Variants in CCDC187 observed in about 807,000 individuals in gnomAD.
CCDC187 encodes coiled-coil domain containing 187, also known as coiled-coil domain-containing protein 187.
Under a neutral mutation model 38.0 loss-of-function variants are expected in CCDC187, and 32 were observed. That is an observed-to-expected ratio of 0.84 (90% CI 0.64 to 1.13). The LOEUF (loss-of-function observed/expected upper bound fraction) is 1.13. CCDC187 is among the 50% of genes most tolerant of loss of function. The pLI is 0.00. For synonymous variants in CCDC187, 333 were observed against 347.9 expected (o/e 0.96, Z 0.48); for missense variants, 707 against 786.8 (o/e 0.90, Z 1.21).
chr9:136,256,498 T>C (rs34785602), intron 23 of CCDC187, among the ~76,000 whole-genome samples, 175 bp from the exon 24 acceptor site: 17,503 of 151,758 alleles, frequency 0.12, 1,367 homozygotes, highest in Admixed American at 0.2. Flanking sequence ...CATTGGGCCC[T>C]GCCACCATGG....
At position 136,250,178 on chromosome 9, in the gene CCDC187, G is replaced by C. The variant is rs573612340; in HGVS notation, c.*3416C>G. The C allele has an allele frequency of 6.3e-6, 1 of 158,082 alleles. No homozygotes were observed. Among genetic ancestry groups the C allele is most frequent in the African/African-American group, 2.4e-5 (1 of 41,450 alleles). The allele number at this position is 158,082 out of a possible 1,614,324, so 9.8% of individuals were successfully genotyped here. A position where few individuals can be genotyped will look rare whatever the true frequency, so the allele number is the denominator to read the frequency against. On this transcript the variant is annotated 3_prime_UTR_variant, in exon 26 of 26. Coordinates refer to ENST00000638797, the MANE Select transcript of CCDC187 (RefSeq NM_001378188.1). ...CCTCTGCTGAAGCGGCTTTTTCTCC[G>C]GTGCTCAGAGTAACCTGACGGCTCC...
chr9:136,304,722 AC>A (rs1276541457), upstream of CCDC187, among the ~76,000 whole-genome samples: 1 of 151,324 alleles, frequency 6.6e-6, no homozygotes, highest in Non-Finnish European at 1.5e-5. Context: ...CCTGGGGACC[AC>A]CCCCTCCCCC....
intron 4 of CCDC187, among the ~76,000 whole-genome samples, chr9:136,295,181 G>A (rs1053982936): frequency 5.9e-5 from 9 of 152,192 alleles, no homozygotes; most frequent in Admixed American, 1.3e-4. Context: ...GGGACCCAGC[G>A]TGGAGGGGAG....
At chr9:136,277,415 GGTGGGTGCTGAGGGGGTGA>G (rs1193176635) in intron 10 of CCDC187, among the ~76,000 whole-genome samples, 2 of 107,474 alleles carry the variant, frequency 1.9e-5, no homozygotes, top group Non-Finnish European at 4.1e-5. Flanking sequence ...TCACAGGGTG[GGTGGGTGCTGAGGGGGTGA>G]GTGGGTGCAG....
intron 4 of CCDC187, among the ~76,000 whole-genome samples, chr9:136,295,578 T>A (rs993625099): frequency 6.6e-6 from 1 of 152,244 alleles, no homozygotes; most frequent in Non-Finnish European, 1.5e-5. Flanking sequence ...GAATATTTTA[T>A]AACTATTGTG....
chr9:136,284,625 G>A (rs1159906752), intron 9 of CCDC187, among the ~76,000 whole-genome samples: 2 of 152,034 alleles, frequency 1.3e-5, no homozygotes, highest in Non-Finnish European at 2.9e-5. Context: ...GGCACTGCTG[G>A]CCAGGAGGCC....
At chr9:136,302,526 AG>A (rs1470024213) in intron 2 of CCDC187, among the ~76,000 whole-genome samples, 1 of 152,202 alleles carries the variant, frequency 6.6e-6, no homozygotes. Flanking sequence ...CACAGACTCT[AG>A]GTCCAGGGAC....
upstream of CCDC187, among the ~76,000 whole-genome samples, chr9:136,304,495 C>T (rs1186344258): frequency 1.3e-5 from 2 of 152,206 alleles, no homozygotes; most frequent in African/African-American, 4.8e-5. Flanking sequence ...GGCCAGAAGA[C>T]ACCCTTTGCC....
chr9:136,293,215 T>A (rs1452508988), intron 4 of CCDC187, among the ~76,000 whole-genome samples: 1 of 121,394 alleles, frequency 8.2e-6, no homozygotes, highest in Non-Finnish European at 1.7e-5. Flanking sequence ...AAACACATGC[T>A]CACACACTCA....
At chr9:136,277,076 C>T (rs931802312) in intron 10 of CCDC187, among the ~76,000 whole-genome samples, 25 of 151,996 alleles carry the variant, frequency 1.6e-4, no homozygotes, top group South Asian at 1.0e-3. Flanking sequence ...GTGGGGAGGG[C>T]GGAGGCCCAG....
Position 136,252,880 on chromosome 9 carries a change from G to C in CCDC187, c.*714C>G, listed in dbSNP as rs1417716994. Reference sequence around the variant, plus strand: ...GCGGCTTTCTGCCCAGTGAGCCCTCGGGCCTGGGTGGGTCCTCTACCTGGC... The same window carrying C: ...GCGGCTTTCTGCCCAGTGAGCCCTCCGGCCTGGGTGGGTCCTCTACCTGGC... On this transcript the variant is annotated 3_prime_UTR_variant, in exon 26 of 26. Coordinates refer to ENST00000638797, the MANE Select transcript of CCDC187 (RefSeq NM_001378188.1). 2.0e-5 allele frequency: 3 copies of C among 152,234 alleles called. No homozygotes were observed. Among genetic ancestry groups the C allele is most frequent in the Admixed American group, 6.5e-5 (1 of 15,278 alleles). The allele number at this position is 152,234 out of a possible 1,614,324, so 9.4% of individuals were successfully genotyped here. A position where few individuals can be genotyped will look rare whatever the true frequency, so the allele number is the denominator to read the frequency against.
rs372777601 is a variant in CCDC187 at position 136,258,324 on chromosome 9, C to A, written c.4366+608G>T. ...GGGACCCCCCAGTCTATGCCACCCC[C>A]CTTGGGTGGCATAGTCTCCCTGCTT... On this transcript the variant is annotated intron_variant, in intron 22 of 25. Coordinates refer to ENST00000638797, the MANE Select transcript of CCDC187 (RefSeq NM_001378188.1). The surrounding 1 kb of genome is among the most constrained non-coding windows in gnomAD (Gnocchi z 4.3). Among the ~76,000 whole-genome samples, 2 of 152,186 alleles carry A rather than the reference C, an allele frequency of 1.3e-5. No individual in the cohort carries two copies. The highest frequency in any genetic ancestry group is 2.4e-5 in the African/African-American group (1 of 41,448).
chr9:136,287,569 G>A, intron 7 of CCDC187, among the ~76,000 whole-genome samples: 1 of 152,178 alleles, frequency 6.6e-6, no homozygotes. Context: ...TCAGGGAGTT[G>A]GATTTGAGAC....
At chr9:136,285,018 A>G (rs878918337) in intron 9 of CCDC187, among the ~76,000 whole-genome samples, 117,347 of 151,868 alleles carry the variant, frequency 0.77, 45,711 homozygotes, top group East Asian at 0.82. Context: ...GGGGCGCGGG[A>G]CAGGCACAGT....
chr9:136,273,361 G>A lies in CCDC187; in HGVS notation c.3442+1297C>T, dbSNP rs113466046. Among the ~76,000 whole-genome samples the A allele has an allele frequency of 7.6e-3, 1,150 of 152,274 alleles. 19 individuals are homozygous for A. The highest frequency in any genetic ancestry group is 0.026 in the African/African-American group (1,080 of 41,534). On this transcript the variant is annotated intron_variant, in intron 14 of 25. Coordinates refer to ENST00000638797, the MANE Select transcript of CCDC187 (RefSeq NM_001378188.1). ...ATGAAACACCCGTTGAAGGAGAGCC[G>A]GAGGGGCTGTATTAATATCAGACAA... is the stretch of plus-strand genomic sequence containing the variant.
Position 136,264,171 on chromosome 9 carries a change from A to T in CCDC187, c.3736-373T>A, listed in dbSNP as rs1312946186. The stretch of plus-strand genomic sequence containing the variant: ...CTGTTCCCCACAGCGTCCCTGGTGG[A>T]CGCACCCTCGGAACAACCTTGCACA... On this transcript the variant is annotated intron_variant, in intron 17 of 25. Transcript: ENST00000638797. This position sits in a 1 kb window ranked among gnomAD's most constrained non-coding sequence, Gnocchi z 4.3. The T allele has an allele frequency of 1.3e-5, 2 of 152,374 alleles. No homozygotes were observed. Among genetic ancestry groups the T allele is most frequent in the African/African-American group, 4.8e-5 (2 of 41,454 alleles). 9.4% of individuals were successfully genotyped at this position (152,374 alleles called of 1,614,324 possible). A position where few individuals can be genotyped will look rare whatever the true frequency, so the allele number is the denominator to read the frequency against.
At chr9:136,291,703 C>G (rs1346050805) in intron 5 of CCDC187, 58 bp from the exon 6 acceptor site, 1 of 398,630 alleles carries the variant, frequency 2.5e-6, no homozygotes, top group East Asian at 3.6e-5. Flanking sequence ...GCAAAGCCAG[C>G]TCCTCCATCC....
chr9:136,296,508 TC>T (rs1831538692), intron 4 of CCDC187: 1 of 152,302 alleles, frequency 6.6e-6, no homozygotes, highest in Non-Finnish European at 1.5e-5. Flanking sequence ...CTGTGGAAAC[TC>T]TGTGAACCTC....
rs1291696475 is a variant in CCDC187, at chr9:136,259,390, G to A, written c.4269C>T (p.Asp1423=). 3.1e-5 allele frequency: 31 copies of A among 985,236 alleles called. No individual in the cohort carries two copies. In the South Asian group the frequency reaches 6.1e-4, roughly 19 times the overall value. 61.0% of individuals were successfully genotyped at this position (985,236 alleles called of 1,614,324 possible). A position where few individuals can be genotyped will look rare whatever the true frequency, so the allele number is the denominator to read the frequency against. ...LLGLQHVSPP[D]GQRLGPAFPA... Reference sequence around the variant, plus strand: ...GAAAGGCTGGGCCCAGCCGCTGTCCGTCCGGGGGGCTCACGTGCTGCAGGC... The same window carrying A: ...GAAAGGCTGGGCCCAGCCGCTGTCCATCCGGGGGGCTCACGTGCTGCAGGC... The change falls in exon 21 of 26, where the codon GAC becomes GAT. Residue 1423 remains aspartate (D), a synonymous_variant. Transcript: ENST00000638797.
Sources: allele counts gnomAD v4.1 joint callset (sites outside exome capture counted in the v4.1 genomes callset), GRCh38; gene constraint gnomAD v4.1.1; non-coding constraint Gnocchi (gnomAD v3.1); transcripts MANE v1.5; gene names NCBI Gene and HGNC (gene_info 2026-07-23, HGNC 2026-07-21).